Variants in ARSG observed in about 807,000 individuals in gnomAD.
The protein encoded by ARSG is arylsulfatase G.
A neutral mutation model predicts 50.5 loss-of-function variants in ARSG; 37 were observed. The observed-to-expected ratio is 0.73, with a 90% CI of 0.56 to 0.96. The LOEUF (loss-of-function observed/expected upper bound fraction) is 0.96, where lower values mean the gene tolerates loss of function less well. ARSG is among the 50% of genes least tolerant of loss of function. ARSG has a pLI of 0.00. For synonymous variants in ARSG, 225 were observed against 254.6 expected (o/e 0.88, Z 1.11); for missense variants, 629 against 675.3 (o/e 0.93, Z 0.76).
intron 9 of ARSG, among the ~76,000 whole-genome samples, chr17:68,390,148 C>T (rs1176286401): frequency 2.0e-5 from 3 of 151,938 alleles, no homozygotes; most frequent in African/African-American, 2.4e-5. Context: ...CCACCATGCC[C>T]GGCTAATTTT....
intron 5 of ARSG, among the ~76,000 whole-genome samples, chr17:68,352,163 C>CAG (rs755040817): frequency 0.015 from 665 of 44,556 alleles, 40 homozygotes; most frequent in African/African-American, 0.035. Context: ...GAGAGAGAGA[C>CAG]AGAGAGAGAG....
intron 1 of ARSG, among the ~76,000 whole-genome samples, chr17:68,296,567 T>TG (rs2076217133): frequency 6.6e-6 from 1 of 152,066 alleles, no homozygotes; most frequent in African/African-American, 2.4e-5. Flanking sequence ...CTGTGATCGG[T>TG]GGGGGCCTGT....
chr17:68,356,567 G>C (rs746960224), intron 5 of ARSG, 100 bp from the exon 6 acceptor site: 1 of 1,379,692 alleles, frequency 7.2e-7, no homozygotes, highest in Non-Finnish European at 1.0e-6. Flanking sequence ...GGGCCAGAGT[G>C]TTGTATTTAT....
At chr17:68,334,617 G>A (rs1170195636) in intron 2 of ARSG, among the ~76,000 whole-genome samples, 1 of 152,102 alleles carries the variant, frequency 6.6e-6, no homozygotes, top group Non-Finnish European at 1.5e-5. Flanking sequence ...ACTGGGCGTT[G>A]ACTAAGGTCG....
At chr17:68,275,913 G>A (rs1449659688) in intron 1 of ARSG, among the ~76,000 whole-genome samples, 1 of 151,334 alleles carries the variant, frequency 6.6e-6, no homozygotes, top group East Asian at 2.0e-4. Context: ...AACCTGGGAG[G>A]CGGAGGTTGC....
At chr17:68,294,938 G>A (rs111302736) in intron 1 of ARSG, among the ~76,000 whole-genome samples, 46 of 152,278 alleles carry the variant, frequency 3.0e-4, no homozygotes, top group African/African-American at 1.1e-3. Flanking sequence ...TTGCCAAGGG[G>A]TTCTGAGGCA....
chr17:68,438,889 C>T, the ARSG span, among the ~76,000 whole-genome samples: 1 of 152,208 alleles, frequency 6.6e-6, no homozygotes, highest in African/African-American at 2.4e-5. Context: ...CGTGAGCCAT[C>T]GTGCCTGGCC....
rs972207069 is a variant in ARSG, at chr17:68,341,689, C to G, written c.219-1915C>G. Among the ~76,000 whole-genome samples, 7 of 152,268 alleles carry G rather than the reference C, an allele frequency of 4.6e-5. No individual in the cohort carries two copies. The South Asian group carries it at 1.5e-3, about 32-fold the overall frequency. On this transcript the variant is annotated intron_variant, in intron 2 of 11. Transcript: ENST00000621439. ...CATTGTTGTGACTTACATTTGCTCACGTCTTGTCACTCAATGTCTTGTTTC... is the reference window on the plus strand; with the variant it reads ...CATTGTTGTGACTTACATTTGCTCAGGTCTTGTCACTCAATGTCTTGTTTC...
intron 2 of ARSG, among the ~76,000 whole-genome samples, chr17:68,342,844 G>T (rs2078331881): frequency 6.6e-6 from 1 of 152,214 alleles, no homozygotes; most frequent in Admixed American, 6.5e-5. Flanking sequence ...TGCGATATGA[G>T]AGCTGAAACC....
downstream of ARSG, among the ~76,000 whole-genome samples, chr17:68,422,960 C>T (rs1333365229): frequency 6.6e-6 from 1 of 152,016 alleles, no homozygotes; most frequent in African/African-American, 2.4e-5. Context: ...AAAGTAAATC[C>T]CAAGGAGGCA....
Position 68,294,851 on chromosome 17 carries a change from C to T in ARSG, c.-552+3283C>T, listed in dbSNP as rs371140615. Among the ~76,000 whole-genome samples, 66 of 152,236 alleles carry T rather than the reference C, an allele frequency of 4.3e-4. No individual in the cohort carries two copies. The Middle Eastern group carries it at 0.014, about 31-fold the overall frequency. ...ATTTGGGTTCCTCCCCCGCAGCACC[C>T]CGCCAAATTTCACAGTTTGTAGGAA... On this transcript the variant is annotated intron_variant, in intron 1 of 11. Coordinates refer to ENST00000621439, the MANE Select transcript of ARSG (RefSeq NM_001267727.2).
the ARSG span, chr17:68,436,604 A>C: frequency 3.0e-3 from 2,370 of 790,020 alleles, 36 homozygotes; most frequent in African/African-American, 0.036. Context: ...ATGGCTTTGC[A>C]GACAACTGCT....
chr17:68,286,319 T>C (rs2075840991), intron 1 of ARSG, among the ~76,000 whole-genome samples: 1 of 152,186 alleles, frequency 6.6e-6, no homozygotes, highest in Non-Finnish European at 1.5e-5. Flanking sequence ...GTTAGAATTA[T>C]TGAATGTTAA....
At chr17:68,319,512 G>A (rs891629201) in intron 2 of ARSG, among the ~76,000 whole-genome samples, 1 of 152,190 alleles carries the variant, frequency 6.6e-6, no homozygotes, top group South Asian at 2.1e-4. Flanking sequence ...GACCTAGATG[G>A]TAGCCAATCT....
Position 68,271,282 on chromosome 17 carries a change from C to T in ARSG, c.-552+11856C>T. 1 of 1,614,198 alleles carries T rather than the reference C, an allele frequency of 6.2e-7. No individual in the cohort carries two copies. The highest frequency in any genetic ancestry group is 8.5e-7 in the Non-Finnish European group (1 of 1,180,028). On this transcript the variant is annotated intron_variant, in intron 1 of 11. Transcript: ENST00000448504. The surrounding 1 kb of genome is among the most constrained non-coding windows in gnomAD (Gnocchi z 5.3). ...ACCAAATAATGCATAACAAATAAAA[C>T]TTTTCTCTTTCAAAATGGAGAAGTC...
intron 4 of ARSG, among the ~76,000 whole-genome samples, 191 bp from the exon 5 acceptor site, chr17:68,351,384 C>T (rs1202478334): frequency 6.6e-6 from 1 of 152,170 alleles, no homozygotes; most frequent in African/African-American, 2.4e-5. Flanking sequence ...TCTAATCTAA[C>T]AGCCAGAACC....
chr17:68,262,930 G>C (rs1309828930), intron 1 of ARSG, among the ~76,000 whole-genome samples: 1 of 152,206 alleles, frequency 6.6e-6, no homozygotes, highest in Admixed American at 6.5e-5. Flanking sequence ...ACTAAGAATG[G>C]GAGGTGCCAG....
At chr17:68,402,869 A>C (rs1340890400) in intron 11 of ARSG, among the ~76,000 whole-genome samples, 4 of 152,216 alleles carry the variant, frequency 2.6e-5, no homozygotes, top group Non-Finnish European at 5.9e-5. Flanking sequence ...GAACTCTTTC[A>C]GCACTTTAAT....
intron 1 of ARSG, among the ~76,000 whole-genome samples, chr17:68,281,412 C>A (rs1166498374): frequency 2.6e-5 from 4 of 151,630 alleles, no homozygotes; most frequent in Non-Finnish European, 4.4e-5. Flanking sequence ...ACTAAAAATA[C>A]AAAAATTAGC....
Sources: allele counts gnomAD v4.1 joint callset (sites outside exome capture counted in the v4.1 genomes callset), GRCh38; gene constraint gnomAD v4.1.1; non-coding constraint Gnocchi (gnomAD v3.1); transcripts MANE v1.5; gene names NCBI Gene and HGNC (gene_info 2026-07-23, HGNC 2026-07-21).